ICE2: variants seen among roughly 807,000 people sequenced by gnomAD.
The protein encoded by ICE2 is interactor of little elongation complex ELL subunit 2.
A neutral mutation model predicts 105.4 loss-of-function variants in ICE2; 87 were observed. That is an observed-to-expected ratio of 0.83 (90% CI 0.69 to 0.99). ICE2 has a LOEUF of 0.99. Ranked by LOEUF, ICE2 falls within the 50% of genes least tolerant of loss-of-function variation. ICE2 has a pLI of 0.00. For synonymous variants in ICE2, 399 were observed against 392.0 expected (o/e 1.02, Z -0.21); for missense variants, 1,323 against 1,146.7 (o/e 1.15, Z -2.22).
chr15:60,447,749 C>T (rs898336914), intron 11 of ICE2: 2 of 386,682 alleles, frequency 5.2e-6, no homozygotes, highest in African/African-American at 2.1e-5. Context: ...TCTGTATATT[C>T]CAAGCATGAA....
rs980502203 is a variant in ICE2 at position 60,455,404 on chromosome 15, C to T, written c.705G>A (p.Met235Ile). ...CCTTTGACAGCTGCAACTTTATAGG[C>T]ATTGAGGGAAATACTGTTTTCACAT... ...VKYVKTVFPS[M>I]PIKLQLSKDD... Residue 235 changes from methionine (M) to isoleucine (I), a missense_variant, in exon 7 of 16, where the codon ATG (methionine) becomes ATA (isoleucine). Physicochemically the swap from Met to Ile is conservative, Grantham distance 10. Coordinates refer to ENST00000261520, the MANE Select transcript of ICE2 (RefSeq NM_024611.6). 1.9e-6 allele frequency: 3 copies of T among 1,613,484 alleles called. No homozygotes were observed. The highest frequency in any genetic ancestry group is 1.1e-5 in the South Asian group (1 of 91,060).
Position 60,448,055 on chromosome 15 carries a change from A to G in ICE2, c.2210T>C (p.Leu737Pro). Reference protein sequence around the residue: ...EGNFVYKLFSLQDLLLLVRCS... With the variant: ...EGNFVYKLFSPQDLLLLVRCS... ...GCGTACGAGTAACAACAGGTCTTGCAGGCTAAATAACTTATAAACAAAATT... is the reference window on the plus strand; with the variant it reads ...GCGTACGAGTAACAACAGGTCTTGCGGGCTAAATAACTTATAAACAAAATT... The change falls in exon 11 of 16, where the codon CTG (leucine) becomes CCG (proline). Residue 737 changes from leucine to proline, a missense_variant. Coordinates refer to ENST00000261520, the MANE Select transcript of ICE2 (RefSeq NM_024611.6). 1 of 1,613,794 alleles carries G rather than the reference A, an allele frequency of 6.2e-7. No homozygotes were observed. The highest frequency in any genetic ancestry group is 1.1e-5 in the South Asian group (1 of 91,084).
intron 9 of ICE2, chr15:60,452,043 T>C (rs1024204787): frequency 7.2e-6 from 7 of 973,872 alleles, no homozygotes; most frequent in Non-Finnish European, 8.5e-6. Context: ...TGGTCTACCA[T>C]TACTGAAAGA....
chr15:60,461,469 TA>T (rs1018510033), intron 5 of ICE2, among the ~76,000 whole-genome samples: 2 of 152,158 alleles, frequency 1.3e-5, no homozygotes, highest in Non-Finnish European at 2.9e-5. Flanking sequence ...AAAATTGTTT[TA>T]AAAATTAAAT....
intron 10 of ICE2, 111 bp from the exon 11 acceptor site, chr15:60,448,256 T>C: frequency 1.4e-6 from 1 of 700,090 alleles, no homozygotes. Flanking sequence ...TTTAATTTTC[T>C]ACTTCTCTGC....
At chr15:60,473,764 T>A (rs2064676665) in intron 3 of ICE2, among the ~76,000 whole-genome samples, 1 of 152,248 alleles carries the variant, frequency 6.6e-6, no homozygotes, top group African/African-American at 2.4e-5. Flanking sequence ...AAATAGTTTT[T>A]AAAAATATCC....
chr15:60,454,451 G>T (rs961010232), intron 8 of ICE2, among the ~76,000 whole-genome samples: 1 of 152,016 alleles, frequency 6.6e-6, no homozygotes, highest in Non-Finnish European at 1.5e-5. Flanking sequence ...ACCATTTCAT[G>T]TATTTCTTGG....
chr15:60,445,500 T>C (rs2063803019), intron 11 of ICE2: 3 of 865,096 alleles, frequency 3.5e-6, no homozygotes, highest in Admixed American at 6.2e-5. Context: ...ACGGGGGCAA[T>C]GTAAGCATTC....
At chr15:60,432,442 G>T (rs1256984690) in intron 13 of ICE2, among the ~76,000 whole-genome samples, 1 of 151,466 alleles carries the variant, frequency 6.6e-6, no homozygotes, top group East Asian at 1.9e-4. Flanking sequence ...CACCCGCCTC[G>T]GCCTCCCAAA....
At chr15:60,447,845 A>G (rs1595774689) in intron 11 of ICE2, 125 bp downstream of exon 11, 4 of 802,884 alleles carry the variant, frequency 5.0e-6, no homozygotes, top group Middle Eastern at 4.8e-4. Context: ...AAAAAACAAA[A>G]AACAAAACTC....
chr15:60,429,949 G>A (rs753981421), intron 14 of ICE2, among the ~76,000 whole-genome samples: 15 of 152,190 alleles, frequency 9.9e-5, no homozygotes, highest in Middle Eastern at 3.4e-3. Context: ...ATACTCTAAG[G>A]AGGAGTATCT....
intron 5 of ICE2, among the ~76,000 whole-genome samples, chr15:60,463,749 G>A (rs1438428296): frequency 2.0e-5 from 3 of 152,130 alleles, no homozygotes; most frequent in South Asian, 2.1e-4. Flanking sequence ...TAGCCTGGGC[G>A]ACAAGAGCGA....
intron 5 of ICE2, 57 bp from the exon 6 acceptor site, chr15:60,456,851 A>G: frequency 8.7e-7 from 1 of 1,146,276 alleles, no homozygotes; most frequent in South Asian, 1.8e-5. Context: ...TGCAAAAAGA[A>G]AATTTTTAGT....
chr15:60,451,642 T>C lies in ICE2; in HGVS notation c.1126-1801A>G. On this transcript the variant is annotated intron_variant, in intron 9 of 15. Coordinates refer to ENST00000261520, the MANE Select transcript of ICE2 (RefSeq NM_024611.6). ...TACCTGCACAATCCAGAAAAAGCAT[T>C]TTACTCCAAGTTCAGGGCCTGAAAA... The C allele has an allele frequency of 4.1e-6, 4 of 983,506 alleles. No homozygotes were observed. In the South Asian group the frequency reaches 1.9e-4, roughly 46 times the overall value. 60.9% of individuals were successfully genotyped at this position (983,506 alleles called of 1,614,324 possible).
At chr15:60,437,021 G>A (rs932879127) in intron 12 of ICE2, among the ~76,000 whole-genome samples, 1 of 152,016 alleles carries the variant, frequency 6.6e-6, no homozygotes, top group Admixed American at 6.5e-5. Flanking sequence ...GGGAGGCCGA[G>A]GCGGGCAGAT....
intron 3 of ICE2, among the ~76,000 whole-genome samples, chr15:60,474,247 A>G (rs1241094217): frequency 6.6e-6 from 1 of 152,098 alleles, no homozygotes. Flanking sequence ...GTAAACTTAC[A>G]CATTCATTTG....
At chr15:60,444,232 TA>T (rs1182576236) in intron 11 of ICE2, among the ~76,000 whole-genome samples, 12 of 152,158 alleles carry the variant, frequency 7.9e-5, no homozygotes, top group South Asian at 2.1e-4. Context: ...TCCATATATT[TA>T]AAAAAAATTT....
rs2063895304 is a variant in ICE2 at position 60,449,057 on chromosome 15, C to T, written c.1910G>A (p.Arg637Gln). The change falls in exon 10 of 16, where the codon CGA becomes CAA. Residue 637 changes from arginine to glutamine, a missense_variant. Physicochemically the swap from Arg to Gln is conservative, Grantham distance 43 (BLOSUM62 1). Transcript: ENST00000261520. ...ESCVLKKPIK[R>Q]VYKKFDPVGE... ...AACTGGATCAAATTTTTTATATACT[C>T]GTTTGATAGGTTTTTTTAAAACACA... 1 of 1,613,026 alleles carries T rather than the reference C, an allele frequency of 6.2e-7. No individual in the cohort carries two copies. The highest frequency in any genetic ancestry group is 8.5e-7 in the Non-Finnish European group (1 of 1,179,424).
Position 60,453,724 on chromosome 15 carries a change from A to T in ICE2, c.1004T>A (p.Met335Lys), listed in dbSNP as rs1374144561. ...ATGAAAGATTTGATTTCTCTCTCTC[A>T]TAGTCATTTTCTTTTGGGGAAGTGG... ...NSPLPQKKMT[M>K]RERNQIFHEV... is the part of the protein sequence containing the mutation. Residue 335 changes from methionine (M) to lysine (K), a missense_variant, in exon 9 of 16, where the codon ATG (methionine) becomes AAG (lysine). Physicochemically the swap from Met to Lys is moderately conservative, Grantham distance 95 (BLOSUM62 -1). Transcript: ENST00000261520. The T allele has an allele frequency of 6.2e-7, 1 of 1,605,680 alleles. No homozygotes were observed. The highest frequency in any genetic ancestry group is 8.5e-7 in the Non-Finnish European group (1 of 1,172,612).
Sources: allele counts gnomAD v4.1 joint callset (sites outside exome capture counted in the v4.1 genomes callset), GRCh38; gene constraint gnomAD v4.1.1; transcripts MANE v1.5; gene names NCBI Gene and HGNC (gene_info 2026-07-23, HGNC 2026-07-21).